The following NXPE4 variants were observed in gnomAD, a reference collection of about 807,000 sequenced individuals.
NXPE4 encodes the protein neurexophilin and PC-esterase domain family member 4, also known as NXPE family member 4.
In NXPE4, 42 loss-of-function variants were observed where a neutral mutation model predicts 33.3. That is an observed-to-expected ratio of 1.26 (90% CI 0.98 to 1.63). NXPE4 has a LOEUF of 1.63. NXPE4 is among the 40% of genes most tolerant of loss of function. The probability of loss-of-function intolerance (pLI) is 0.00; values close to 1 mark genes in which losing one functional copy is unlikely to be tolerated. For missense variants in NXPE4, 709 were observed against 647.6 expected (o/e 1.09, Z -1.03); for synonymous variants, 253 against 234.9 (o/e 1.08, Z -0.71).
the NXPE4 span, among the ~76,000 whole-genome samples, chr11:114,674,359 A>G: frequency 2.4e-4 from 36 of 151,948 alleles, no homozygotes; most frequent in Admixed American, 9.9e-4. Flanking sequence ...ACACACATTT[A>G]TCATCAAGTG....
intron 4 of NXPE4, 76 bp downstream of exon 4, chr11:114,581,649 C>A: frequency 1.9e-5 from 23 of 1,242,058 alleles, no homozygotes; most frequent in Non-Finnish European, 2.7e-5. Flanking sequence ...AAACAGTGAA[C>A]AAATCCAGTA....
the NXPE4 span, among the ~76,000 whole-genome samples, chr11:114,676,979 G>A: frequency 6.6e-6 from 1 of 152,032 alleles, no homozygotes; most frequent in Non-Finnish European, 1.5e-5. Flanking sequence ...GGTGAACCTG[G>A]AGGACATTAT....
chr11:114,597,292 G>A (rs1232414279), upstream of NXPE4, among the ~76,000 whole-genome samples: 11 of 152,078 alleles, frequency 7.2e-5, no homozygotes, highest in Admixed American at 5.9e-4. Context: ...ATAGCAAACT[G>A]TCAATATATT....
the NXPE4 span, among the ~76,000 whole-genome samples, chr11:114,638,989 C>G: frequency 6.6e-6 from 1 of 152,076 alleles, no homozygotes; most frequent in Non-Finnish European, 1.5e-5. Context: ...CCACTGCTCT[C>G]TTCAAAGCTG....
At chr11:114,656,908 C>T in the NXPE4 span, among the ~76,000 whole-genome samples, 111 of 152,038 alleles carry the variant, frequency 7.3e-4, no homozygotes, top group Middle Eastern at 0.01. Flanking sequence ...CTGGCTAACA[C>T]GGTGAAACCC....
chr11:114,607,349 G>A, the NXPE4 span, among the ~76,000 whole-genome samples: 13 of 151,800 alleles, frequency 8.6e-5, no homozygotes, highest in East Asian at 1.9e-4. Flanking sequence ...GTATTGCCTC[G>A]TGGGTAACCA....
At chr11:114,633,167 A>C in the NXPE4 span, among the ~76,000 whole-genome samples, 1 of 127,400 alleles carries the variant, frequency 7.8e-6, no homozygotes, top group East Asian at 2.2e-4. Context: ...ATTTTATTTT[A>C]TATAATTTAT....
At chr11:114,645,259 T>C in the NXPE4 span, among the ~76,000 whole-genome samples, 102,065 of 151,908 alleles carry the variant, frequency 0.67, 34,543 homozygotes, top group African/African-American at 0.75. Flanking sequence ...TGAGATCATG[T>C]CACTGCACTC....
Position 114,582,938 on chromosome 11 carries a change from T to C in NXPE4, c.180A>G (p.Ile60Met). 6.2e-7 allele frequency: 1 copy of C among 1,614,168 alleles called. No homozygotes were observed. Among genetic ancestry groups the C allele is most frequent in the Non-Finnish European group, 8.5e-7 (1 of 1,180,022 alleles). ...TKSLFPKTPLISLKPLTETEL... is the reference protein window; with the variant it reads ...TKSLFPKTPLMSLKPLTETEL... Reference sequence around the variant, plus strand: ...CAGTCTCTGTTAGTGGCTTTAATGATATCAGTGGTGTTTTAGGGAATAAGG... The same window carrying C: ...CAGTCTCTGTTAGTGGCTTTAATGACATCAGTGGTGTTTTAGGGAATAAGG... Residue 60 changes from isoleucine (I) to methionine (M), a missense_variant, in exon 3 of 6, where the codon ATA becomes ATG. Coordinates refer to ENST00000375478, the MANE Select transcript of NXPE4 (RefSeq NM_001077639.2).
intron 5 of NXPE4, among the ~76,000 whole-genome samples, chr11:114,573,986 A>G (rs1293492356): frequency 1.3e-5 from 2 of 152,144 alleles, no homozygotes; most frequent in Non-Finnish European, 2.9e-5. Flanking sequence ...AGTAAATTTA[A>G]GAAAATCAAA....
chr11:114,659,984 C>G, the NXPE4 span, among the ~76,000 whole-genome samples: 1 of 152,010 alleles, frequency 6.6e-6, no homozygotes, highest in Admixed American at 6.6e-5. Context: ...ACAGATATAA[C>G]AGACATTAGA....
At chr11:114,596,089 T>A (rs530275110), upstream of NXPE4, among the ~76,000 whole-genome samples, 5 of 152,306 alleles carry the variant, frequency 3.3e-5, no homozygotes, top group Non-Finnish European at 5.9e-5. Flanking sequence ...AAAGTCAAAC[T>A]TTCTAGTTTC....
intron 2 of NXPE4, among the ~76,000 whole-genome samples, chr11:114,588,080 A>G (rs1456505309): frequency 6.6e-5 from 10 of 152,182 alleles, no homozygotes; most frequent in Non-Finnish European, 4.4e-5. Context: ...TTCAGCAGTC[A>G]TATCAGGAGG....
the NXPE4 span, among the ~76,000 whole-genome samples, chr11:114,657,522 C>T: frequency 2.0e-3 from 301 of 152,042 alleles, no homozygotes; most frequent in Non-Finnish European, 3.3e-3. Flanking sequence ...TTACTCTTAC[C>T]ACTACTTTGA....
At chr11:114,655,687 T>G in the NXPE4 span, among the ~76,000 whole-genome samples, 2 of 152,186 alleles carry the variant, frequency 1.3e-5, no homozygotes, top group Admixed American at 6.6e-5. Flanking sequence ...GGTCTATATA[T>G]CTGTTTTGGT....
At chr11:114,631,855 T>C in the NXPE4 span, among the ~76,000 whole-genome samples, 1 of 151,206 alleles carries the variant, frequency 6.6e-6, no homozygotes, top group Non-Finnish European at 1.5e-5. Flanking sequence ...ATAATAAGTA[T>C]TGTGTCGTGG....
the NXPE4 span, among the ~76,000 whole-genome samples, chr11:114,663,543 C>T: frequency 6.6e-6 from 1 of 151,614 alleles, no homozygotes; most frequent in East Asian, 1.9e-4. Context: ...CACCAGGCCC[C>T]TTCACCATCT....
the NXPE4 span, among the ~76,000 whole-genome samples, chr11:114,637,231 CT>C: frequency 6.6e-6 from 1 of 151,808 alleles, no homozygotes; most frequent in Non-Finnish European, 1.5e-5. Flanking sequence ...CCTTCTTTGT[CT>C]CTTTTGATCT....
chr11:114,650,439 G>A, the NXPE4 span, among the ~76,000 whole-genome samples: 16 of 152,296 alleles, frequency 1.1e-4, no homozygotes, highest in East Asian at 3.1e-3. Context: ...GATTGAGAGG[G>A]TACTCCTATT....
Sources: allele counts gnomAD v4.1 joint callset (sites outside exome capture counted in the v4.1 genomes callset), GRCh38; gene constraint gnomAD v4.1.1; transcripts MANE v1.5; gene names NCBI Gene and HGNC (gene_info 2026-07-23, HGNC 2026-07-21).